Variants in CBFA2T3 observed in about 807,000 individuals in gnomAD.
CBFA2T3 encodes CBFA2/RUNX1 partner transcriptional co-repressor 3.
A neutral mutation model predicts 58.6 loss-of-function variants in CBFA2T3; 31 were observed. The ratio of observed to expected loss-of-function variants is 0.53; its 90% CI spans 0.40 to 0.71. The LOEUF is 0.71. Ranked by LOEUF, CBFA2T3 falls within the 30% of genes least tolerant of loss-of-function variation. CBFA2T3 has a pLI of 0.00. For missense variants in CBFA2T3, 1,076 were observed against 963.1 expected, an observed-to-expected ratio of 1.12 and a Z score of -1.55; for synonymous variants, 531 against 421.9, an observed-to-expected ratio of 1.26 and a Z score of -3.17.
At chr16:88,932,959 A>T (rs532003812) in intron 1 of CBFA2T3, among the ~76,000 whole-genome samples, 18 of 149,846 alleles carry the variant, frequency 1.2e-4, no homozygotes, top group African/African-American at 4.4e-4. Flanking sequence ...ACAGAGTGAG[A>T]TTGTGTCTGG....
At chr16:88,892,073 A>G in intron 4 of CBFA2T3, 102 bp from the exon 5 acceptor site, 1 of 1,358,372 alleles carries the variant, frequency 7.4e-7, no homozygotes, top group Non-Finnish European at 1.0e-6. Context: ...GGAGGCAGGC[A>G]GGCAGCCCAG....
Position 88,953,289 on chromosome 16 carries a change from C to T in CBFA2T3, c.151+23368G>A, listed in dbSNP as rs1044576343. On this transcript the variant is annotated intron_variant, in intron 1 of 11. Coordinates refer to ENST00000268679, the MANE Select transcript of CBFA2T3 (RefSeq NM_005187.6). This position sits in a 1 kb window ranked among gnomAD's most constrained non-coding sequence, Gnocchi z 4.9. Reference sequence around the variant, plus strand: ...TTGCATCCCTTTCTTCCAGGGCCTGCGGGGCTGACAGGCACACAGCCAGTG... The same window carrying T: ...TTGCATCCCTTTCTTCCAGGGCCTGTGGGGCTGACAGGCACACAGCCAGTG... Among the ~76,000 whole-genome samples, 6 of 152,190 alleles carry T rather than the reference C, an allele frequency of 3.9e-5. No homozygotes were observed. Among genetic ancestry groups the T allele is most frequent in the Admixed American group, 1.3e-4 (2 of 15,280 alleles).
At chr16:88,951,414 C>T (rs1036809725) in intron 1 of CBFA2T3, 8 of 431,018 alleles carry the variant, frequency 1.9e-5, no homozygotes, top group South Asian at 8.1e-5. Flanking sequence ...TCATTAGCTG[C>T]GTCTTATTTT....
intron 2 of CBFA2T3, among the ~76,000 whole-genome samples, chr16:88,899,153 C>T (rs571665050): frequency 1.3e-5 from 2 of 149,696 alleles, no homozygotes; most frequent in Non-Finnish European, 3.0e-5. Context: ...GAAACTTCGG[C>T]CCTCAAGTCT....
At chr16:88,929,624 C>G (rs8052238) in intron 1 of CBFA2T3, among the ~76,000 whole-genome samples, 2 of 144,296 alleles carry the variant, frequency 1.4e-5, no homozygotes, top group East Asian at 2.0e-4. Context: ...ACATCTGCAT[C>G]ATCCACGCAA....
rs745672703 is a variant in CBFA2T3, at chr16:88,880,802, C to T, written c.1403-14G>A. On this transcript the variant is annotated splice_polypyrimidine_tract_variant and intron_variant, in intron 9 of 11. Transcript: ENST00000268679. ...CGCGAGGCACGTCTGAAACAGGGGC[C>T]GGCGTCACACAGGATGGGCCACGCG... The T allele has an allele frequency of 6.4e-6, 10 of 1,572,776 alleles. No homozygotes were observed. The East Asian group carries it at 1.2e-4, about 18-fold the overall frequency.
chr16:88,889,354 G>A (rs1969529655), intron 5 of CBFA2T3, among the ~76,000 whole-genome samples: 1 of 127,442 alleles, frequency 7.8e-6, no homozygotes, highest in African/African-American at 3.1e-5. Context: ...GAGGGAGGGA[G>A]GACTGGGGCA....
intron 4 of CBFA2T3, 36 bp downstream of exon 4, chr16:88,892,208 A>G (rs770878700): frequency 1.9e-6 from 3 of 1,590,242 alleles, no homozygotes; most frequent in Non-Finnish European, 2.6e-6. Context: ...GGGAATATGC[A>G]TGTCCCAAGG....
intron 1 of CBFA2T3, among the ~76,000 whole-genome samples, chr16:88,943,923 T>A (rs1270879173): frequency 6.6e-6 from 1 of 152,038 alleles, no homozygotes; most frequent in African/African-American, 2.4e-5. Flanking sequence ...GAGCAGGACC[T>A]CGGAGGGCCA....
chr16:88,941,204 G>C (rs1164424280), intron 1 of CBFA2T3: 1 of 979,116 alleles, frequency 1.0e-6, no homozygotes, highest in Non-Finnish European at 1.2e-6. Flanking sequence ...CGGCCGCCTG[G>C]GCCATGCCGG....
intron 1 of CBFA2T3, among the ~76,000 whole-genome samples, chr16:88,968,615 G>C (rs573372324): frequency 2.0e-5 from 3 of 152,328 alleles, no homozygotes; most frequent in East Asian, 3.9e-4. Context: ...TGCCGTGTTG[G>C]AGGGGCAGAA....
chr16:88,908,415 G>A (rs1970410674), intron 1 of CBFA2T3, among the ~76,000 whole-genome samples: 1 of 152,160 alleles, frequency 6.6e-6, no homozygotes, highest in Non-Finnish European at 1.5e-5. Context: ...CATGGGAGAG[G>A]CCGTTTCTTT....
At position 88,896,461 on chromosome 16, in the gene CBFA2T3, G is replaced by C. The variant is rs147504379; in HGVS notation, c.379+1617C>G. ...GGGCTTTCCCTCTTCTGGGGGGACA[G>C]TGGACGCTGACACAGGATGCACCGA... On this transcript the variant is annotated intron_variant, in intron 3 of 11. Transcript: ENST00000268679. Among the ~76,000 whole-genome samples, 41 of 152,310 alleles carry C rather than the reference G, an allele frequency of 2.7e-4. No homozygotes were observed. In the East Asian group the frequency reaches 7.1e-3, roughly 27 times the overall value.
intron 1 of CBFA2T3, among the ~76,000 whole-genome samples, chr16:88,948,462 C>T (rs559276980): frequency 2.6e-5 from 4 of 152,176 alleles, no homozygotes; most frequent in South Asian, 2.1e-4. Context: ...CAGCCTGGGC[C>T]GTCTGGTGTG....
At chr16:88,935,305 G>A (rs1411377313) in intron 1 of CBFA2T3, among the ~76,000 whole-genome samples, 1 of 152,216 alleles carries the variant, frequency 6.6e-6, no homozygotes, top group East Asian at 1.9e-4. Flanking sequence ...GAGCCCTGGT[G>A]TGGTGGCCAA....
At chr16:88,914,963 C>A (rs541181051) in intron 1 of CBFA2T3, among the ~76,000 whole-genome samples, 1 of 143,866 alleles carries the variant, frequency 7.0e-6, no homozygotes, top group Non-Finnish European at 1.5e-5. Context: ...CTGGGCCGCC[C>A]GCTGCCGGGG....
rs937885621 is a variant in CBFA2T3 at position 88,890,946 on chromosome 16, T to G, written c.711+936A>C. Among the ~76,000 whole-genome samples the G allele has an allele frequency of 5.3e-5, 8 of 152,284 alleles. 1 individual carries two copies. The highest frequency in any genetic ancestry group is 1.7e-4 in the African/African-American group (7 of 41,548). On this transcript the variant is annotated intron_variant, in intron 5 of 11. Transcript: ENST00000268679. ...CCAGGCTGGTCTTGAACTCCTGGCC[T>G]CAAGCAATCCCCGTTCCTCAGACTG...
At chr16:88,895,008 G>A (rs1404174175) in intron 3 of CBFA2T3, among the ~76,000 whole-genome samples, 1 of 152,146 alleles carries the variant, frequency 6.6e-6, no homozygotes, top group African/African-American at 2.4e-5. Context: ...ATCCTGACCT[G>A]GCCCCTGGGA....
rs71395348 is a variant in CBFA2T3 at position 88,950,391 on chromosome 16, G to A, written c.151+26266C>T. On this transcript the variant is annotated intron_variant, in intron 1 of 11. Coordinates refer to ENST00000268679, the MANE Select transcript of CBFA2T3 (RefSeq NM_005187.6). ...CAGAGTGTTGGCACCTGTCTTCCGG[G>A]TCAGTTCACCCGTCCCCTGGACCGG... 5.0e-5 allele frequency: 21 copies of A among 423,416 alleles called. 3 individuals carry two copies. The highest frequency in any genetic ancestry group is 2.3e-4 in the East Asian group (3 of 13,128). The allele number at this position is 423,416 out of a possible 1,614,324, so 26.2% of individuals were successfully genotyped here.
Sources: allele counts gnomAD v4.1 joint callset (sites outside exome capture counted in the v4.1 genomes callset), GRCh38; gene constraint gnomAD v4.1.1; non-coding constraint Gnocchi (gnomAD v3.1); transcripts MANE v1.5; gene names NCBI Gene and HGNC (gene_info 2026-07-23, HGNC 2026-07-21).